The following GRK4 variants were observed in gnomAD, a reference collection of about 807,000 sequenced individuals.
GRK4 encodes the protein G protein-coupled receptor kinase 4, also known as G protein-coupled receptor kinase 2-like.
In GRK4, 73 loss-of-function variants were observed where a neutral mutation model predicts 77.9. The observed-to-expected ratio is 0.94, with a 90% confidence interval of 0.78 to 1.14. The LOEUF (loss-of-function observed/expected upper bound fraction) is 1.14, where lower values mean the gene tolerates loss of function less well. Among genes scored for constraint, GRK4 ranks in the 50% most tolerant of loss-of-function variants. The pLI, the probability that GRK4 is intolerant of heterozygous loss-of-function variation, is 0.00. For synonymous variants in GRK4, 257 were observed against 254.4 expected (o/e 1.01, Z -0.10); for missense variants, 729 against 700.2 (o/e 1.04, Z -0.46).
At position 2,992,114 on chromosome 4, in the gene GRK4, G is replaced by A. The variant is rs529111770; in HGVS notation, c.262-101G>A. 7 of 703,082 alleles carry A rather than the reference G, an allele frequency of 1.0e-5. No homozygotes were observed. The East Asian group carries it at 2.0e-4, about 20-fold the overall frequency. 43.6% of individuals were successfully genotyped at this position (703,082 alleles called of 1,614,324 possible). On this transcript the variant is annotated intron_variant, in intron 3 of 15. Coordinates refer to ENST00000398052, the MANE Select transcript of GRK4 (RefSeq NM_182982.3). ...GCTGGCCTCGAACTCTTGAGCTCAA[G>A]TGATCCTCCCAACCTCAGCGTCCCA...
intron 9 of GRK4, among the ~76,000 whole-genome samples, chr4:3,020,463 C>T (rs183065789): frequency 6.6e-6 from 1 of 152,164 alleles, no homozygotes; most frequent in East Asian, 1.9e-4. Context: ...TTATGTCCTG[C>T]CATATAACAT....
intron 1 of GRK4, among the ~76,000 whole-genome samples, chr4:2,979,157 G>A (rs1053142918): frequency 6.6e-6 from 1 of 151,934 alleles, no homozygotes; most frequent in African/African-American, 2.4e-5. Flanking sequence ...CCCAGGAGGT[G>A]GAGCTTGCAG....
chr4:3,007,902 C>G, intron 6 of GRK4, 74 bp downstream of exon 6: 1 of 1,008,436 alleles, frequency 9.9e-7, no homozygotes, highest in Non-Finnish European at 1.5e-6. Context: ...ACTCAGGAGG[C>G]TGAGGCTGAA....
chr4:2,995,059 T>C (rs541076161), intron 4 of GRK4, among the ~76,000 whole-genome samples: 2 of 152,156 alleles, frequency 1.3e-5, no homozygotes, highest in Non-Finnish European at 2.9e-5. Context: ...CTGTGTTAGT[T>C]TGCTAAGGAT....
intron 15 of GRK4, 117 bp from the exon 16 acceptor site, chr4:3,040,455 T>A (rs1742088117): frequency 2.9e-6 from 2 of 684,316 alleles, no homozygotes; most frequent in Admixed American, 3.1e-5. Context: ...AATAAATAAA[T>A]AAATAAAAAA....
intron 4 of GRK4, among the ~76,000 whole-genome samples, chr4:2,994,177 G>A (rs1243709413): frequency 6.6e-6 from 1 of 152,190 alleles, no homozygotes; most frequent in East Asian, 1.9e-4. Context: ...AGAATGAGTA[G>A]AAGTTTCATT....
intron 3 of GRK4, among the ~76,000 whole-genome samples, chr4:2,990,587 A>G (rs993682718): frequency 5.9e-5 from 9 of 152,110 alleles, no homozygotes; most frequent in African/African-American, 2.2e-4. Flanking sequence ...GAGTTCCAGT[A>G]TGCTGGGGCA....
intron 5 of GRK4, among the ~76,000 whole-genome samples, chr4:3,005,616 C>A (rs1341328874): frequency 6.6e-6 from 1 of 151,774 alleles, no homozygotes. Context: ...CAGCCTGGCC[C>A]ACATAGAGAA....
chr4:3,018,484 C>A (rs1311749084), intron 8 of GRK4, among the ~76,000 whole-genome samples: 1 of 152,098 alleles, frequency 6.6e-6, no homozygotes, highest in African/African-American at 2.4e-5. Flanking sequence ...GCCTGGGCAA[C>A]ATAGCAAGAC....
rs377547812 is a variant in GRK4 at position 3,029,393 on chromosome 4, A to G, written c.1253A>G (p.Lys418Arg). Residue 418 changes from lysine to arginine, a missense_variant, in exon 12 of 16, where the codon AAA becomes AGA. By Grantham distance (26) the Lys-to-Arg change is conservative. Coordinates refer to ENST00000398052, the MANE Select transcript of GRK4 (RefSeq NM_182982.3). ...TCTGAGAAGTTTTCAGAGGATGCCAAATCTATCTGCAGGATGGTAAGTCAG... is the reference window on the plus strand; with the variant it reads ...TCTGAGAAGTTTTCAGAGGATGCCAGATCTATCTGCAGGATGGTAAGTCAG... ...EYSEKFSEDAKSICRMLLTKN... is the reference protein window; with the variant it reads ...EYSEKFSEDARSICRMLLTKN... 1.2e-6 allele frequency: 2 copies of G among 1,613,634 alleles called. No homozygotes were observed. Among genetic ancestry groups the G allele is most frequent in the Non-Finnish European group, 8.5e-7 (1 of 1,179,580 alleles).
intron 7 of GRK4, among the ~76,000 whole-genome samples, chr4:3,012,487 T>C (rs1733189859): frequency 1.3e-5 from 2 of 152,240 alleles, no homozygotes; most frequent in African/African-American, 4.8e-5. Context: ...ACTGTCCTTA[T>C]TACTTCCAAT....
intron 5 of GRK4, among the ~76,000 whole-genome samples, chr4:3,004,990 A>G (rs1730884947): frequency 1.3e-5 from 2 of 152,014 alleles, no homozygotes; most frequent in South Asian, 4.1e-4. Context: ...GTTTAGCACC[A>G]GTATCCTAGC....
chr4:2,967,233 G>A (rs1206537960), intron 1 of GRK4, among the ~76,000 whole-genome samples: 3 of 152,178 alleles, frequency 2.0e-5, no homozygotes, highest in South Asian at 2.1e-4. Context: ...TCAGTTTATA[G>A]TATTTTGTTA....
At chr4:3,023,244 C>A (rs554734098) in intron 10 of GRK4, among the ~76,000 whole-genome samples, 1 of 152,190 alleles carries the variant, frequency 6.6e-6, no homozygotes, top group South Asian at 2.1e-4. Flanking sequence ...GTGCACACTC[C>A]ACCTTGGTTC....
At position 3,040,443 on chromosome 4, in the gene GRK4, A is replaced by T. The variant is rs1244181134; in HGVS notation, c.1684-129A>T. 1.8e-5 allele frequency: 12 copies of T among 656,048 alleles called. No homozygotes were observed. In the East Asian group the frequency reaches 2.3e-4, roughly 12 times the overall value. 40.6% of individuals were successfully genotyped at this position (656,048 alleles called of 1,614,324 possible). A position where few individuals can be genotyped will look rare whatever the true frequency, so the allele number is the denominator to read the frequency against. On this transcript the variant is annotated intron_variant, in intron 15 of 15. Coordinates refer to ENST00000398052, the MANE Select transcript of GRK4 (RefSeq NM_182982.3). Reference sequence around the variant, plus strand: ...GCGACAGAGTGAGACTATGTCTCAAAAAATAAATAAATAAATAAAAAATAA... The same window carrying T: ...GCGACAGAGTGAGACTATGTCTCAATAAATAAATAAATAAATAAAAAATAA...
intron 1 of GRK4, among the ~76,000 whole-genome samples, chr4:2,964,803 GGT>G (rs1166004559): frequency 6.6e-6 from 1 of 152,154 alleles, no homozygotes; most frequent in African/African-American, 2.4e-5. Context: ...GCAAGGCAAG[GGT>G]TAAAAAGAAA....
At chr4:2,983,632 C>A (rs1157845772) in intron 1 of GRK4, among the ~76,000 whole-genome samples, 1 of 152,108 alleles carries the variant, frequency 6.6e-6, no homozygotes, top group Non-Finnish European at 1.5e-5. Flanking sequence ...CACCTTCCAC[C>A]TTTACCCTGC....
intron 1 of GRK4, among the ~76,000 whole-genome samples, chr4:2,979,920 G>C (rs1722382792): frequency 6.6e-6 from 1 of 152,240 alleles, no homozygotes; most frequent in Non-Finnish European, 1.5e-5. Context: ...AGAAATACCT[G>C]CATATGTGCC....
chr4:2,997,975 G>A (rs1310565877), intron 4 of GRK4, among the ~76,000 whole-genome samples: 1 of 151,770 alleles, frequency 6.6e-6, no homozygotes, highest in East Asian at 1.9e-4. Flanking sequence ...ACAAGATTGT[G>A]CACCCTCACC....
Sources: allele counts gnomAD v4.1 joint callset (sites outside exome capture counted in the v4.1 genomes callset), GRCh38; gene constraint gnomAD v4.1.1; transcripts MANE v1.5; gene names NCBI Gene and HGNC (gene_info 2026-07-23, HGNC 2026-07-21).